The following TTL variants were observed in gnomAD, a reference collection of about 807,000 sequenced individuals.
TTL encodes the protein tubulin--tyrosine ligase.
Under a neutral mutation model 41.1 loss-of-function variants are expected in TTL, and 10 were observed. The ratio of observed to expected loss-of-function variants is 0.24; its 90% CI spans 0.15 to 0.41. The LOEUF (loss-of-function observed/expected upper bound fraction) is 0.41. TTL is among the 10% of genes least tolerant of loss of function. TTL has a pLI of 1.00. For synonymous variants in TTL, 175 were observed against 175.5 expected (o/e 1.00, Z 0.02); for missense variants, 367 against 460.4 (o/e 0.80, Z 1.86).
In TTL at chr2:112,482,810, A is replaced by G. The variant is rs1323796798; in HGVS notation, c.157+309A>G. ...GGGCTGGGACCTGAGGCGCGAGTCTAGCGGCTCCCCCGGGCCGAAGCCCCC... is the reference window on the plus strand; with the variant it reads ...GGGCTGGGACCTGAGGCGCGAGTCTGGCGGCTCCCCCGGGCCGAAGCCCCC... On this transcript the variant is annotated intron_variant, in intron 1 of 6. Coordinates refer to ENST00000233336, the MANE Select transcript of TTL (RefSeq NM_153712.5). The surrounding 1 kb of genome is among the most constrained non-coding windows in gnomAD (Gnocchi z 5.3). Among the ~76,000 whole-genome samples the G allele has an allele frequency of 6.6e-6, 1 of 152,194 alleles. No individual in the cohort carries two copies. The highest frequency in any genetic ancestry group is 1.5e-5 in the Non-Finnish European group (1 of 68,036).
chr2:112,533,630 G>A lies in TTL; in HGVS notation c.*4835G>A, dbSNP rs138536359. On this transcript the variant is annotated 3_prime_UTR_variant, in exon 7 of 7. Coordinates refer to ENST00000233336, the MANE Select transcript of TTL (RefSeq NM_153712.5). Reference sequence around the variant, plus strand: ...TGGCAGAAGGCATCACATGGCAAGAGAGGAATGGAGTCTAACTCACCCTTT... The same window carrying A: ...TGGCAGAAGGCATCACATGGCAAGAAAGGAATGGAGTCTAACTCACCCTTT... 2 of 152,216 alleles carry A rather than the reference G, an allele frequency of 1.3e-5. No homozygotes were observed. The highest frequency in any genetic ancestry group is 6.5e-5 in the Admixed American group (1 of 15,280). The allele number at this position is 152,216 out of a possible 1,614,324, so 9.4% of individuals were successfully genotyped here. A position where few individuals can be genotyped will look rare whatever the true frequency, so the allele number is the denominator to read the frequency against.
rs35722764 is a variant in TTL, at chr2:112,490,568, C to CTT, written c.237-3554_237-3553dup. ...TTAGTCTACTAAAATCTTAGTAAAT[C>CTT]TTTTTTTTTTTTTTTTTTTTTTGAG... On this transcript the variant is annotated intron_variant, in intron 2 of 6. Coordinates refer to ENST00000233336, the MANE Select transcript of TTL (RefSeq NM_153712.5). Among the ~76,000 whole-genome samples the CTT allele has an allele frequency of 2.9e-3, 324 of 110,666 alleles. 1 individual carries two copies. Among genetic ancestry groups the CTT allele is most frequent in the Non-Finnish European group, 3.8e-3 (217 of 56,758 alleles). 72.6% of individuals were successfully genotyped at this position (110,666 alleles called of 152,430 possible).
At chr2:112,511,784 T>G (rs1223863943) in intron 5 of TTL, among the ~76,000 whole-genome samples, 2 of 151,772 alleles carry the variant, frequency 1.3e-5, no homozygotes, top group African/African-American at 4.8e-5. Context: ...TTGCCCAGGC[T>G]GGTCTTGAAC....
In TTL at chr2:112,503,073, A is replaced by G. The variant is rs1380480903; in HGVS notation, c.767A>G (p.Tyr256Cys). 8 of 1,614,058 alleles carry G rather than the reference A, an allele frequency of 5.0e-6. No homozygotes were observed. The highest frequency in any genetic ancestry group is 6.8e-6 in the Non-Finnish European group (8 of 1,180,020). Residue 256 changes from tyrosine to cysteine, a missense_variant, in exon 5 of 7, where the codon TAT (tyrosine) becomes TGT (cysteine). By Grantham distance (194) the Tyr-to-Cys change is radical. Transcript: ENST00000233336. ...QKEYSKNYGKYEEGNEMFFKE... is the reference protein window; with the variant it reads ...QKEYSKNYGKCEEGNEMFFKE... ...GAGTATTCAAAGAACTACGGGAAGT[A>G]TGAAGAAGGAAATGAAATGTTCTTC...
chr2:112,512,690 C>T (rs370497778), intron 5 of TTL, among the ~76,000 whole-genome samples: 1 of 152,206 alleles, frequency 6.6e-6, no homozygotes, highest in Admixed American at 6.5e-5. Flanking sequence ...AGCCATCTCG[C>T]CCGGCCCTGT....
chr2:112,537,832 T>A lies in TTL; in HGVS notation c.*9037T>A, dbSNP rs1478399400. 1.3e-5 allele frequency: 2 copies of A among 152,072 alleles called. No individual in the cohort carries two copies. Among genetic ancestry groups the A allele is most frequent in the East Asian group, 3.8e-4 (2 of 5,200 alleles). 9.4% of individuals were successfully genotyped at this position (152,072 alleles called of 1,614,324 possible). Reference sequence around the variant, plus strand: ...ATAGCTAGAGCAACTAGGCAGAAGATCAACAAGAAAATAGAAAACACTATA... The same window carrying A: ...ATAGCTAGAGCAACTAGGCAGAAGAACAACAAGAAAATAGAAAACACTATA... On this transcript the variant is annotated 3_prime_UTR_variant, in exon 7 of 7. Transcript: ENST00000233336.
At position 112,528,011 on chromosome 2, in the gene TTL, G is replaced by T. The variant is rs1332142606; in HGVS notation, c.1020-670G>T. ...GAGCTCTTGTAAGGCAGGCCTGGTG[G>T]TGACAAAATTTCTTAGCATTTGCTT... On this transcript the variant is annotated intron_variant, in intron 6 of 6. Transcript: ENST00000233336. Among the ~76,000 whole-genome samples the T allele has an allele frequency of 2.0e-5, 3 of 152,152 alleles. No homozygotes were observed. The East Asian group carries it at 5.8e-4, about 29-fold the overall frequency.
At chr2:112,491,117 G>T (rs996437504) in intron 2 of TTL, among the ~76,000 whole-genome samples, 1 of 151,860 alleles carries the variant, frequency 6.6e-6, no homozygotes, top group Non-Finnish European at 1.5e-5. Context: ...TCAGCATCCC[G>T]AGTAGCTGGG....
chr2:112,497,620 T>C (rs1458571194), intron 3 of TTL, among the ~76,000 whole-genome samples: 3 of 151,870 alleles, frequency 2.0e-5, no homozygotes, highest in Non-Finnish European at 4.4e-5. Flanking sequence ...ATGAGTCATG[T>C]GTGTAGGGGA....
In TTL at chr2:112,485,967, A is replaced by G; in HGVS notation, c.208A>G (p.Lys70Glu). Residue 70 changes from lysine (K) to glutamate (E), a missense_variant, in exon 2 of 7, where the codon AAA becomes GAA. By Grantham distance (56) the Lys-to-Glu change is moderately conservative. Transcript: ENST00000233336. ...GGTGAATTACTACAGGGGTGCTGAC[A>G]AACTGTGTCGCAAAGCTTCTTTAGT... ...QLVNYYRGADKLCRKASLVKL... is the reference protein window; with the variant it reads ...QLVNYYRGADELCRKASLVKL... 1 of 1,614,206 alleles carries G rather than the reference A, an allele frequency of 6.2e-7. No individual in the cohort carries two copies. Among genetic ancestry groups the G allele is most frequent in the Non-Finnish European group, 8.5e-7 (1 of 1,180,026 alleles).
intron 4 of TTL, among the ~76,000 whole-genome samples, chr2:112,502,162 A>C (rs34179430): frequency 2.0e-5 from 3 of 152,046 alleles, no homozygotes; most frequent in Non-Finnish European, 4.4e-5. Context: ...TCCCTCTCCA[A>C]CTTACCCTTG....
At chr2:112,495,898 C>T (rs1681510932) in intron 3 of TTL, among the ~76,000 whole-genome samples, 1 of 152,096 alleles carries the variant, frequency 6.6e-6, no homozygotes, top group Non-Finnish European at 1.5e-5. Flanking sequence ...CCTTGGAAGA[C>T]ATCTAGCCAT....
intron 5 of TTL, among the ~76,000 whole-genome samples, chr2:112,514,666 T>G (rs917387201): frequency 3.3e-5 from 5 of 152,222 alleles, no homozygotes; most frequent in Non-Finnish European, 7.3e-5. Flanking sequence ...TTTATAAATT[T>G]TACTATGAGA....
At position 112,531,866 on chromosome 2, in the gene TTL, A is replaced by G. The variant is rs1682516728; in HGVS notation, c.*3071A>G. On this transcript the variant is annotated 3_prime_UTR_variant, in exon 7 of 7. Coordinates refer to ENST00000233336, the MANE Select transcript of TTL (RefSeq NM_153712.5). ...ATAAATAGTTTATGAAGCTTTGACA[A>G]CAAATGTAAACAGACACGAAATTAT... The G allele has an allele frequency of 4.5e-6, 1 of 222,556 alleles. No homozygotes were observed. Among genetic ancestry groups the G allele is most frequent in the East Asian group, 6.6e-5 (1 of 15,196 alleles). 13.8% of individuals were successfully genotyped at this position (222,556 alleles called of 1,614,324 possible). A position where few individuals can be genotyped will look rare whatever the true frequency, so the allele number is the denominator to read the frequency against.
chr2:112,510,354 C>G (rs551674285), intron 5 of TTL, among the ~76,000 whole-genome samples: 1 of 152,098 alleles, frequency 6.6e-6, no homozygotes, highest in Non-Finnish European at 1.5e-5. Flanking sequence ...GTTTCAAGCT[C>G]CTGGGCTCAA....
intron 6 of TTL, among the ~76,000 whole-genome samples, chr2:112,527,191 G>T (rs563033226): frequency 6.6e-6 from 1 of 152,268 alleles, no homozygotes; most frequent in East Asian, 1.9e-4. Flanking sequence ...ATTTGCTGAG[G>T]AGTGCTTTAC....
intron 5 of TTL, among the ~76,000 whole-genome samples, chr2:112,513,509 G>C (rs1343676408): frequency 6.6e-6 from 1 of 151,482 alleles, no homozygotes; most frequent in African/African-American, 2.4e-5. Flanking sequence ...TCTGTCATCT[G>C]AGAATGTGTT....
intron 3 of TTL, 68 bp downstream of exon 3, chr2:112,494,443 G>T: frequency 1.6e-6 from 2 of 1,230,912 alleles, no homozygotes; most frequent in South Asian, 2.8e-5. Flanking sequence ...TTAGATGAAT[G>T]ACCCTATTTT....
At position 112,528,860 on chromosome 2, in the gene TTL, C is replaced by G; in HGVS notation, c.*65C>G. On this transcript the variant is annotated 3_prime_UTR_variant, in exon 7 of 7. Coordinates refer to ENST00000233336, the MANE Select transcript of TTL (RefSeq NM_153712.5). The stretch of plus-strand genomic sequence containing the variant: ...CCTGCTCCAGGGAATGGTGAAATGA[C>G]TGGATTGCTCTTTATCCAGCCCACA... 2 of 1,280,466 alleles carry G rather than the reference C, an allele frequency of 1.6e-6. No individual in the cohort carries two copies. The highest frequency in any genetic ancestry group is 1.7e-5 in the Admixed American group (1 of 58,858). 79.3% of individuals were successfully genotyped at this position (1,280,466 alleles called of 1,614,324 possible).
Sources: gnomAD v4.1 joint callset for allele counts (sites outside exome capture counted in the v4.1 genomes callset) on GRCh38, gnomAD v4.1.1 for gene constraint, Gnocchi (gnomAD v3.1) non-coding constraint, MANE v1.5 for transcripts, NCBI Gene and HGNC (gene_info 2026-07-23, HGNC 2026-07-21) for gene names.